GPATCH2: variants seen among roughly 807,000 people sequenced by gnomAD.
The protein encoded by GPATCH2 is G-patch domain containing 2.
A neutral mutation model predicts 58.0 loss-of-function variants in GPATCH2; 51 were observed. That is an observed-to-expected ratio of 0.88 (90% CI 0.70 to 1.11). The LOEUF (loss-of-function observed/expected upper bound fraction) is 1.11. Ranked by LOEUF, GPATCH2 falls within the 50% of genes most tolerant of loss-of-function variation. The probability of loss-of-function intolerance (pLI) is 0.00; values close to 1 mark genes in which losing one functional copy is unlikely to be tolerated. For missense variants in GPATCH2, 625 were observed against 652.2 expected (o/e 0.96, Z 0.45); for synonymous variants, 222 against 218.5 (o/e 1.02, Z -0.14).
intron 1 of GPATCH2, among the ~76,000 whole-genome samples, chr1:217,625,290 G>T (rs1222209610): frequency 1.3e-5 from 2 of 152,190 alleles, no homozygotes; most frequent in East Asian, 3.9e-4. Context: ...AGAAAACAGA[G>T]TTTAGTGTTT....
At chr1:217,475,430 C>T (rs1363607469) in intron 8 of GPATCH2, among the ~76,000 whole-genome samples, 1 of 152,006 alleles carries the variant, frequency 6.6e-6, no homozygotes, top group Non-Finnish European at 1.5e-5. Context: ...CACAGCAAGA[C>T]TCCATCTCAA....
intron 5 of GPATCH2, among the ~76,000 whole-genome samples, chr1:217,591,645 TAC>T (rs1239145236): frequency 1.3e-5 from 2 of 152,114 alleles, no homozygotes; most frequent in African/African-American, 4.8e-5. Flanking sequence ...ACTGTGACAT[TAC>T]AGTTATTGTT....
At chr1:217,583,149 G>A (rs1195214815) in intron 5 of GPATCH2, among the ~76,000 whole-genome samples, 6 of 152,048 alleles carry the variant, frequency 3.9e-5, no homozygotes, top group Non-Finnish European at 8.8e-5. Context: ...TAAATAACTG[G>A]AGCACAGAAC....
chr1:217,470,348 T>C (rs1366885598), intron 8 of GPATCH2, among the ~76,000 whole-genome samples: 2 of 152,220 alleles, frequency 1.3e-5, no homozygotes, highest in African/African-American at 4.8e-5. Flanking sequence ...TTTGAAAATA[T>C]CTAGTTCATC....
At chr1:217,545,081 A>C (rs1205595945) in intron 5 of GPATCH2, among the ~76,000 whole-genome samples, 1 of 152,208 alleles carries the variant, frequency 6.6e-6, no homozygotes, top group African/African-American at 2.4e-5. Context: ...CCTTTATTAA[A>C]ACCAACCAAA....
chr1:217,591,729 C>G (rs190089201), intron 5 of GPATCH2, among the ~76,000 whole-genome samples: 36 of 152,110 alleles, frequency 2.4e-4, no homozygotes, highest in East Asian at 1.5e-3. Flanking sequence ...TTAACCAATT[C>G]TATAAGATAA....
chr1:217,444,311 G>A (rs1231803313), intron 9 of GPATCH2, among the ~76,000 whole-genome samples: 2 of 152,140 alleles, frequency 1.3e-5, no homozygotes, highest in Admixed American at 1.3e-4. Flanking sequence ...GTCCACGGGG[G>A]AACTAACGAA....
intron 1 of GPATCH2, among the ~76,000 whole-genome samples, chr1:217,630,242 T>C (rs191447194): frequency 1.2e-4 from 19 of 152,322 alleles, no homozygotes; most frequent in African/African-American, 3.8e-4. Flanking sequence ...TGTGATATTC[T>C]GCTATCACAA....
chr1:217,629,276 T>C lies in GPATCH2; in HGVS notation c.56+1640A>G, dbSNP rs561274555. Among the ~76,000 whole-genome samples, 50 of 152,304 alleles carry C rather than the reference T, an allele frequency of 3.3e-4. 2 individuals carry two copies. The highest frequency in any genetic ancestry group is 1.0e-3 in the African/African-American group (43 of 41,580). On this transcript the variant is annotated intron_variant, in intron 1 of 9. Coordinates refer to ENST00000366935, the MANE Select transcript of GPATCH2 (RefSeq NM_018040.5). ...ACTAGAAAATAAAGATCCAGTTTTC[T>C]GGAACATATTCATTCTGACAGAACA...
At chr1:217,560,627 A>G (rs1345070138) in intron 5 of GPATCH2, among the ~76,000 whole-genome samples, 10 of 152,206 alleles carry the variant, frequency 6.6e-5, no homozygotes, top group Admixed American at 6.5e-4. Flanking sequence ...ACAATTATGA[A>G]CCTCCAATTC....
chr1:217,446,934 A>C (rs977430816), intron 9 of GPATCH2, among the ~76,000 whole-genome samples: 5 of 152,130 alleles, frequency 3.3e-5, no homozygotes, highest in Non-Finnish European at 7.4e-5. Flanking sequence ...ATATGTTCGG[A>C]GTGTTAGGAC....
intron 5 of GPATCH2, among the ~76,000 whole-genome samples, chr1:217,589,501 G>A (rs944652577): frequency 1.3e-5 from 2 of 152,134 alleles, no homozygotes; most frequent in Non-Finnish European, 2.9e-5. Flanking sequence ...AAAATACAAA[G>A]AGTATAGACA....
rs1658447323 is a variant in GPATCH2 at position 217,429,672 on chromosome 1, AC to A, written c.*1472del. The A allele has an allele frequency of 6.6e-6, 1 of 152,030 alleles. No individual in the cohort carries two copies. Among genetic ancestry groups the A allele is most frequent in the Admixed American group, 6.6e-5 (1 of 15,244 alleles). The allele number at this position is 152,030 out of a possible 1,614,324, so 9.4% of individuals were successfully genotyped here. On this transcript the variant is annotated 3_prime_UTR_variant, in exon 10 of 10. Coordinates refer to ENST00000366935, the MANE Select transcript of GPATCH2 (RefSeq NM_018040.5). ...GTGAAACTCCGTCTATACTAAAAAT[AC>A]AAAAATTATCCGGGTATGGTCGTGG... is the stretch of plus-strand genomic sequence containing the variant.
intron 8 of GPATCH2, among the ~76,000 whole-genome samples, chr1:217,457,641 C>T (rs1345567543): frequency 1.3e-5 from 2 of 152,030 alleles, no homozygotes; most frequent in East Asian, 1.9e-4. Flanking sequence ...GCAGAGTAAA[C>T]TCATTACATC....
intron 8 of GPATCH2, among the ~76,000 whole-genome samples, chr1:217,479,169 G>T (rs1206592994): frequency 6.6e-6 from 1 of 152,052 alleles, no homozygotes; most frequent in Non-Finnish European, 1.5e-5. Context: ...ACATTAATGA[G>T]CAATAAGAAA....
chr1:217,499,571 G>A (rs550817290), intron 6 of GPATCH2, among the ~76,000 whole-genome samples: 14 of 152,256 alleles, frequency 9.2e-5, no homozygotes, highest in African/African-American at 2.6e-4. Flanking sequence ...CATAGATAGT[G>A]ATAGTGATGC....
intron 5 of GPATCH2, among the ~76,000 whole-genome samples, chr1:217,516,082 CTTT>C: frequency 6.9e-6 from 1 of 144,228 alleles, no homozygotes; most frequent in Non-Finnish European, 1.5e-5. Context: ...TAAGCTACTC[CTTT>C]TTTTTTTTTA....
intron 8 of GPATCH2, among the ~76,000 whole-genome samples, chr1:217,484,555 T>TA (rs1491118951): frequency 2.1e-4 from 16 of 75,612 alleles, no homozygotes; most frequent in South Asian, 5.6e-4. Flanking sequence ...TATATAATTA[T>TA]TTATATATAT....
chr1:217,453,351 G>A (rs948690567), intron 8 of GPATCH2, among the ~76,000 whole-genome samples: 5 of 152,170 alleles, frequency 3.3e-5, no homozygotes, highest in Non-Finnish European at 5.9e-5. Context: ...ATATTTGCAT[G>A]GGGAGGAAGA....
Sources: gnomAD v4.1 joint callset for allele counts (sites outside exome capture counted in the v4.1 genomes callset) on GRCh38, gnomAD v4.1.1 for gene constraint, MANE v1.5 for transcripts, NCBI Gene and HGNC (gene_info 2026-07-23, HGNC 2026-07-21) for gene names.